ZRANB3: variants seen among roughly 807,000 people sequenced by gnomAD.
The protein encoded by ZRANB3 is zinc finger RANBP2-type containing 3.
In ZRANB3, 125 loss-of-function variants were observed where a neutral mutation model predicts 133.8. The observed-to-expected ratio is 0.93, with a 90% CI of 0.81 to 1.08. The LOEUF (loss-of-function observed/expected upper bound fraction) is 1.08, where lower values mean the gene tolerates loss of function less well. Ranked by LOEUF, ZRANB3 falls within the 50% of genes least tolerant of loss-of-function variation. The pLI, the probability that ZRANB3 is intolerant of heterozygous loss-of-function variation, is 0.00. For synonymous variants in ZRANB3, 387 were observed against 432.7 expected (o/e 0.89, Z 1.31); for missense variants, 1,229 against 1,275.5 (o/e 0.96, Z 0.56).
intron 2 of ZRANB3, among the ~76,000 whole-genome samples, chr2:135,456,339 A>T (rs745971753): frequency 6.6e-6 from 1 of 152,220 alleles, no homozygotes; most frequent in Non-Finnish European, 1.5e-5. Flanking sequence ...GGGAATAGCA[A>T]GAAAACACAT....
At chr2:135,369,771 T>C (rs1686089797) in intron 3 of ZRANB3, among the ~76,000 whole-genome samples, 1 of 152,192 alleles carries the variant, frequency 6.6e-6, no homozygotes, top group Admixed American at 6.5e-5. Context: ...TGAGGGTTGC[T>C]CAGTCAATAA....
Position 135,207,634 on chromosome 2 carries a change from A to G in ZRANB3, c.2809T>C (p.Ser937Pro). ...CAAAACTCTTCCTGACATTTCAGAG[A>G]GCAAAACCGTGAATCCCAAGAGTTC... ...KANSWDSRFCSLKCQEEFWIR... is the reference protein window; with the variant it reads ...KANSWDSRFCPLKCQEEFWIR... The change falls in exon 19 of 21, where the codon TCT (serine) becomes CCT (proline). Residue 937 changes from serine to proline, a missense_variant. By Grantham distance (74) the Ser-to-Pro change is moderately conservative. Transcript: ENST00000264159. 1.9e-6 allele frequency: 3 copies of G among 1,614,024 alleles called. No individual in the cohort carries two copies. Among genetic ancestry groups the G allele is most frequent in the Non-Finnish European group, 2.5e-6 (3 of 1,179,890 alleles).
At chr2:135,296,924 T>C (rs535026903) in intron 8 of ZRANB3, among the ~76,000 whole-genome samples, 35 of 152,266 alleles carry the variant, frequency 2.3e-4, no homozygotes, top group Non-Finnish European at 4.0e-4. Context: ...TGCTGCCTGA[T>C]CGTTCCTCTG....
intron 2 of ZRANB3, among the ~76,000 whole-genome samples, chr2:135,444,323 T>C (rs1372228993): frequency 1.3e-5 from 2 of 152,154 alleles, no homozygotes; most frequent in Non-Finnish European, 2.9e-5. Flanking sequence ...CATGGGAATG[T>C]TCATAACAGC....
At chr2:135,479,414 T>A (rs1691658819) in intron 2 of ZRANB3, among the ~76,000 whole-genome samples, 1 of 152,062 alleles carries the variant, frequency 6.6e-6, no homozygotes, top group Non-Finnish European at 1.5e-5. Context: ...GCAGGCAGAT[T>A]ACCTGATGTC....
chr2:135,469,714 A>G (rs1402602062), intron 2 of ZRANB3, among the ~76,000 whole-genome samples: 1 of 152,180 alleles, frequency 6.6e-6, no homozygotes, highest in Non-Finnish European at 1.5e-5. Context: ...TATAATAAAT[A>G]CAGTTAAGGA....
intron 10 of ZRANB3, among the ~76,000 whole-genome samples, chr2:135,270,306 G>C (rs946898215): frequency 1.3e-5 from 2 of 152,154 alleles, no homozygotes; most frequent in Non-Finnish European, 2.9e-5. Context: ...ATGTTGGCAA[G>C]ATCAATACCA....
At chr2:135,389,878 T>C (rs1687146431) in intron 3 of ZRANB3, among the ~76,000 whole-genome samples, 2 of 132,566 alleles carry the variant, frequency 1.5e-5, no homozygotes, top group Admixed American at 1.5e-4. Flanking sequence ...CTGTTATTCT[T>C]TTTTTTTTTT....
intron 10 of ZRANB3, among the ~76,000 whole-genome samples, chr2:135,270,861 CA>C (rs2105119379): frequency 6.6e-6 from 1 of 152,342 alleles, no homozygotes; most frequent in South Asian, 2.1e-4. Flanking sequence ...TAGACATTTA[CA>C]ACAAAGTATT....
chr2:135,402,142 T>C (rs1687760811), intron 2 of ZRANB3, among the ~76,000 whole-genome samples: 1 of 152,014 alleles, frequency 6.6e-6, no homozygotes, highest in South Asian at 2.1e-4. Context: ...ACAATGAGGC[T>C]TTTGGAAAAT....
intron 6 of ZRANB3, among the ~76,000 whole-genome samples, chr2:135,327,517 A>G (rs1023322513): frequency 1.5e-4 from 23 of 152,204 alleles, no homozygotes; most frequent in African/African-American, 5.1e-4. Flanking sequence ...GTAGAGAATA[A>G]TATTAATTTA....
At chr2:135,512,093 A>G (rs1447737109) in intron 1 of ZRANB3, 2 of 411,354 alleles carry the variant, frequency 4.9e-6, no homozygotes, top group African/African-American at 2.0e-5. Context: ...CATAATTTTT[A>G]ATACCATGTT....
intron 3 of ZRANB3, among the ~76,000 whole-genome samples, chr2:135,364,149 G>T (rs945250875): frequency 6.6e-6 from 1 of 151,874 alleles, no homozygotes; most frequent in Admixed American, 6.6e-5. Flanking sequence ...AGGGAAGGAA[G>T]GAAGGAAGGG....
chr2:135,243,677 G>A (rs1037709581), intron 12 of ZRANB3, among the ~76,000 whole-genome samples: 2 of 152,002 alleles, frequency 1.3e-5, no homozygotes, highest in Non-Finnish European at 2.9e-5. Context: ...GGAGTGCAAT[G>A]GTGTGATCAC....
chr2:135,301,378 G>A (rs1168543158), intron 8 of ZRANB3, among the ~76,000 whole-genome samples: 1 of 152,026 alleles, frequency 6.6e-6, no homozygotes, highest in African/African-American at 2.4e-5. Context: ...TAGAGATGGA[G>A]TTTCACCATG....
At chr2:135,347,630 A>G (rs1685001859) in intron 5 of ZRANB3, among the ~76,000 whole-genome samples, 1 of 152,194 alleles carries the variant, frequency 6.6e-6, no homozygotes, top group Non-Finnish European at 1.5e-5. Context: ...TCGCTGGGTC[A>G]TACAGTAACA....
intron 2 of ZRANB3, among the ~76,000 whole-genome samples, chr2:135,404,295 G>A (rs941387130): frequency 6.6e-6 from 1 of 152,216 alleles, no homozygotes; most frequent in Non-Finnish European, 1.5e-5. Context: ...CGAGAACTAT[G>A]TGACAAATGT....
intron 8 of ZRANB3, among the ~76,000 whole-genome samples, chr2:135,283,175 C>T (rs750416957): frequency 2.6e-5 from 4 of 151,954 alleles, no homozygotes; most frequent in African/African-American, 9.7e-5. Flanking sequence ...TTCCCAGCTA[C>T]TTGGGAGGCT....
intron 2 of ZRANB3, among the ~76,000 whole-genome samples, chr2:135,442,947 T>C (rs746160902): frequency 7.2e-5 from 11 of 151,968 alleles, no homozygotes; most frequent in Middle Eastern, 3.4e-3. Flanking sequence ...AAACCCCATC[T>C]CTACTAAAAA....
Sources: allele counts gnomAD v4.1 joint callset (sites outside exome capture counted in the v4.1 genomes callset), GRCh38; gene constraint gnomAD v4.1.1; transcripts MANE v1.5; gene names NCBI Gene and HGNC (gene_info 2026-07-23, HGNC 2026-07-21).